The following CHLSN variants were observed in gnomAD, a reference collection of about 807,000 sequenced individuals.
The protein encoded by CHLSN is protein cholesin.
the CHLSN span, chr7:1,109,445 C>G: frequency 6.6e-6 from 1 of 152,286 alleles, no homozygotes; most frequent in Non-Finnish European, 1.5e-5. Context: ...CTGAGGCCCC[C>G]CATTCCTGCG....
chr7:980,530 T>C, the CHLSN span, among the ~76,000 whole-genome samples: 5 of 151,322 alleles, frequency 3.3e-5, no homozygotes, highest in African/African-American at 4.8e-5. Flanking sequence ...CTTGCAAGTA[T>C]GCACACAGAT....
chr7:988,233 T>G, the CHLSN span: 26 of 1,540,076 alleles, frequency 1.7e-5, 1 homozygote, highest in East Asian at 1.1e-4. Flanking sequence ...CCCCATCCCA[T>G]CTTCCCCGGG....
the CHLSN span, chr7:984,586 G>A: frequency 6.4e-7 from 1 of 1,558,070 alleles, no homozygotes. Context: ...TCGGTGTGTG[G>A]CCGGCGCTAC....
At chr7:1,044,768 T>C in the CHLSN span, 1 of 152,008 alleles carries the variant, frequency 6.6e-6, no homozygotes, top group East Asian at 1.9e-4. Flanking sequence ...GCGCTGCGCT[T>C]ACTGGGACCC....
chr7:1,087,646 T>A, the CHLSN span, among the ~76,000 whole-genome samples: 1 of 152,234 alleles, frequency 6.6e-6, no homozygotes, highest in Non-Finnish European at 1.5e-5. Context: ...TAACCAGTAC[T>A]CAGATTCCTA....
At chr7:982,512 C>A in the CHLSN span, among the ~76,000 whole-genome samples, 1 of 152,232 alleles carries the variant, frequency 6.6e-6, no homozygotes, top group Non-Finnish European at 1.5e-5. Flanking sequence ...ACCTGCCACC[C>A]GGCAGCCCTT....
chr7:1,080,399 T>C, the CHLSN span, among the ~76,000 whole-genome samples: 2 of 152,282 alleles, frequency 1.3e-5, no homozygotes, highest in South Asian at 4.1e-4. Flanking sequence ...TGACACACCA[T>C]CTCAAGCGCA....
chr7:1,068,860 CACCT>C, the CHLSN span, among the ~76,000 whole-genome samples: 8 of 152,182 alleles, frequency 5.3e-5, no homozygotes, highest in Non-Finnish European at 1.0e-4. Context: ...CCTAAAAAAA[CACCT>C]ACAGCCCCTG....
the CHLSN span, among the ~76,000 whole-genome samples, chr7:1,084,988 G>A: frequency 6.6e-6 from 1 of 152,210 alleles, no homozygotes; most frequent in Non-Finnish European, 1.5e-5. Flanking sequence ...AGGGGCGCTG[G>A]GAAGGCACTG....
chr7:1,011,488 T>C, the CHLSN span, among the ~76,000 whole-genome samples: 17 of 85,458 alleles, frequency 2.0e-4, no homozygotes, highest in African/African-American at 3.5e-4. Flanking sequence ...CAGACACACC[T>C]TCACACGCCC....
At chr7:1,111,773 G>C in the CHLSN span, among the ~76,000 whole-genome samples, 1 of 152,060 alleles carries the variant, frequency 6.6e-6, no homozygotes, top group Admixed American at 6.6e-5. Flanking sequence ...TTGCACTTCA[G>C]CCTGGGTGAC....
the CHLSN span, among the ~76,000 whole-genome samples, chr7:993,007 G>A: frequency 6.6e-6 from 1 of 152,318 alleles, no homozygotes; most frequent in East Asian, 1.9e-4. Context: ...GCGGGGGAGG[G>A]GGTGGCCCAT....
the CHLSN span, among the ~76,000 whole-genome samples, chr7:1,061,325 A>G: frequency 6.6e-6 from 1 of 152,016 alleles, no homozygotes. Flanking sequence ...TGGGCCCCAC[A>G]CAGGGCAGGC....
At chr7:1,112,760 G>C in the CHLSN span, among the ~76,000 whole-genome samples, 1 of 151,990 alleles carries the variant, frequency 6.6e-6, no homozygotes. Context: ...TGAGGGTGCG[G>C]GGTCCGGCCT....
At chr7:1,067,759 C>T in the CHLSN span, among the ~76,000 whole-genome samples, 5 of 140,988 alleles carry the variant, frequency 3.5e-5, no homozygotes, top group African/African-American at 8.3e-5. Context: ...GAGTGCATCC[C>T]AGAGGTGAGG....
chr7:1,057,225 T>C, the CHLSN span, among the ~76,000 whole-genome samples: 1 of 152,106 alleles, frequency 6.6e-6, no homozygotes, highest in Non-Finnish European at 1.5e-5. Context: ...GAGTGGGCTC[T>C]GAGAATGTGG....
At chr7:987,114 A>T in the CHLSN span, 125 of 1,549,558 alleles carry the variant, frequency 8.1e-5, 3 homozygotes, top group South Asian at 1.3e-3. Context: ...CAGGGGGATG[A>T]CCCCGAGGGC....
chr7:1,017,647 T>TA, the CHLSN span, among the ~76,000 whole-genome samples: 2 of 152,204 alleles, frequency 1.3e-5, no homozygotes, highest in Non-Finnish European at 2.9e-5. Context: ...ACTCAATGCT[T>TA]ACGAACTTTC....
chr7:1,100,662 C>T, the CHLSN span, among the ~76,000 whole-genome samples: 31,458 of 152,076 alleles, frequency 0.21, 3,515 homozygotes, highest in Middle Eastern at 0.34. Flanking sequence ...CTAGCGGAAA[C>T]AAAGTGGGGG....
Sources: gnomAD v4.1 joint callset for allele counts (sites outside exome capture counted in the v4.1 genomes callset) on GRCh38, gnomAD v4.1.1 for gene constraint, MANE v1.5 for transcripts, NCBI Gene and HGNC (gene_info 2026-07-23, HGNC 2026-07-21) for gene names.